KCNQ5: variants seen among roughly 807,000 people sequenced by gnomAD.
KCNQ5 encodes potassium voltage-gated channel subfamily Q member 5.
KCNQ5 carries 30 observed loss-of-function variants against 98.2 expected under a neutral mutation model. The observed-to-expected ratio is 0.31, with a 90% CI of 0.23 to 0.41. The LOEUF is 0.41. KCNQ5 is among the 10% of genes least tolerant of loss of function. The pLI, the probability that KCNQ5 is intolerant of heterozygous loss-of-function variation, is 1.00. For synonymous variants in KCNQ5, 458 were observed against 449.4 expected, an observed-to-expected ratio of 1.02 and a Z score of -0.24; for missense variants, 835 against 1,182.5, an observed-to-expected ratio of 0.71 and a Z score of 4.31.
intron 1 of KCNQ5, among the ~76,000 whole-genome samples, chr6:72,838,757 T>C (rs906715367): frequency 9.9e-5 from 15 of 151,710 alleles, no homozygotes; most frequent in East Asian, 1.9e-4. Context: ...GAGACCATCC[T>C]GGCTAACACG....
At chr6:72,809,277 G>A (rs1241395112) in intron 1 of KCNQ5, among the ~76,000 whole-genome samples, 1 of 148,168 alleles carries the variant, frequency 6.7e-6, no homozygotes, top group East Asian at 2.0e-4. Context: ...AGCATTGGGA[G>A]ATATACCTAA....
At chr6:72,683,363 C>CTTTT (rs142268901) in intron 1 of KCNQ5, among the ~76,000 whole-genome samples, 3 of 113,264 alleles carry the variant, frequency 2.6e-5, no homozygotes, top group Admixed American at 9.2e-5. Context: ...GCCACATATA[C>CTTTT]TTTTTTTTTT....
chr6:72,933,535 A>G (rs1328644644), intron 1 of KCNQ5, among the ~76,000 whole-genome samples: 1 of 152,152 alleles, frequency 6.6e-6, no homozygotes. Context: ...CTGAGTACTT[A>G]TTAATGATCT....
At chr6:72,690,214 G>A (rs1768145451) in intron 1 of KCNQ5, among the ~76,000 whole-genome samples, 1 of 152,166 alleles carries the variant, frequency 6.6e-6, no homozygotes, top group Admixed American at 6.5e-5. Context: ...AGAGGTTGCA[G>A]TGAGCCGTGA....
intron 3 of KCNQ5, 103 bp from the exon 4 acceptor site, chr6:73,077,219 C>G (rs1773576887): frequency 1.7e-6 from 2 of 1,145,336 alleles, no homozygotes; most frequent in Admixed American, 2.0e-5. Context: ...ATCTGTTTAT[C>G]TGTACCTTAA....
chr6:72,689,890 G>A (rs1306787161), intron 1 of KCNQ5, among the ~76,000 whole-genome samples: 1 of 151,710 alleles, frequency 6.6e-6, no homozygotes, highest in African/African-American at 2.4e-5. Context: ...CTTCTGTTTC[G>A]AGAGTTATTT....
chr6:72,866,594 G>C (rs1777998010), intron 1 of KCNQ5, among the ~76,000 whole-genome samples: 1 of 151,988 alleles, frequency 6.6e-6, no homozygotes, highest in Non-Finnish European at 1.5e-5. Context: ...AAGAATCTTA[G>C]GCTTATCCAA....
At chr6:72,788,749 G>T (rs183772473) in intron 1 of KCNQ5, among the ~76,000 whole-genome samples, 171 of 152,090 alleles carry the variant, frequency 1.1e-3, no homozygotes, top group Non-Finnish European at 1.8e-3. Flanking sequence ...CTATTCATTT[G>T]TAGTCCATGT....
chr6:73,015,115 A>G (rs552606917), intron 2 of KCNQ5, among the ~76,000 whole-genome samples: 12 of 152,246 alleles, frequency 7.9e-5, no homozygotes, highest in African/African-American at 2.2e-4. Flanking sequence ...TTGTAAAGGC[A>G]GTAACGCAGT....
intron 1 of KCNQ5, among the ~76,000 whole-genome samples, chr6:72,835,005 C>T (rs1776438796): frequency 6.6e-6 from 1 of 152,052 alleles, no homozygotes; most frequent in South Asian, 2.1e-4. Context: ...AAATGTTTTA[C>T]TTAGTCGACC....
intron 3 of KCNQ5, among the ~76,000 whole-genome samples, chr6:73,049,840 G>A (rs1004651312): frequency 4.6e-5 from 7 of 152,038 alleles, no homozygotes; most frequent in Admixed American, 4.6e-4. Context: ...GATATGATTC[G>A]ATTCCTGTCC....
At chr6:73,064,596 G>T (rs1246124856) in intron 3 of KCNQ5, among the ~76,000 whole-genome samples, 1 of 151,914 alleles carries the variant, frequency 6.6e-6, no homozygotes, top group Admixed American at 6.6e-5. Flanking sequence ...CTGCAGCTTT[G>T]TCATTTGGTA....
At chr6:72,916,145 C>T (rs978481133) in intron 1 of KCNQ5, among the ~76,000 whole-genome samples, 6 of 152,008 alleles carry the variant, frequency 3.9e-5, no homozygotes, top group Non-Finnish European at 8.8e-5. Context: ...TCTTTTATAC[C>T]ACAGTGACAG....
At chr6:72,772,459 G>T (rs1278086841) in intron 1 of KCNQ5, among the ~76,000 whole-genome samples, 1 of 152,064 alleles carries the variant, frequency 6.6e-6, no homozygotes, top group Non-Finnish European at 1.5e-5. Flanking sequence ...ACTAAGAAGA[G>T]AAATTTATTT....
At chr6:72,782,461 A>G (rs893531863) in intron 1 of KCNQ5, among the ~76,000 whole-genome samples, 2 of 152,212 alleles carry the variant, frequency 1.3e-5, no homozygotes, top group African/African-American at 4.8e-5. Flanking sequence ...TTCTCCAGAA[A>G]CACAAATGCC....
chr6:72,819,679 CCA>C (rs1483968437), intron 1 of KCNQ5, among the ~76,000 whole-genome samples: 1 of 152,192 alleles, frequency 6.6e-6, no homozygotes, highest in African/African-American at 2.4e-5. Context: ...GGCTTCCAGT[CCA>C]GTGTCCCAGG....
intron 1 of KCNQ5, among the ~76,000 whole-genome samples, chr6:72,830,952 T>C (rs574262363): frequency 1.3e-5 from 2 of 152,274 alleles, no homozygotes; most frequent in Admixed American, 1.3e-4. Context: ...AAAGAAGACA[T>C]TTATGCAGCC....
At chr6:72,658,574 A>ATTTT (rs1398794999) in intron 1 of KCNQ5, among the ~76,000 whole-genome samples, 1 of 65,466 alleles carries the variant, frequency 1.5e-5, no homozygotes, top group Non-Finnish European at 3.0e-5. Flanking sequence ...ATATATATAT[A>ATTTT]TATATTTTTT....
At chr6:72,986,858 A>T in intron 1 of KCNQ5, 1 of 979,646 alleles carries the variant, frequency 1.0e-6, no homozygotes, top group Non-Finnish European at 1.6e-6. Context: ...CTCAGTCCAG[A>T]ACCCTTGGTT....
Sources: gnomAD v4.1 joint callset for allele counts (sites outside exome capture counted in the v4.1 genomes callset) on GRCh38, gnomAD v4.1.1 for gene constraint, MANE v1.5 for transcripts, NCBI Gene and HGNC (gene_info 2026-07-23, HGNC 2026-07-21) for gene names.